Variants in LPP observed in about 807,000 individuals in gnomAD.
LPP encodes the protein lipoma-preferred partner.
LPP carries 38 observed loss-of-function variants against 60.4 expected under a neutral mutation model. The ratio of observed to expected loss-of-function variants is 0.63; its 90% confidence interval spans 0.49 to 0.83. LPP has a LOEUF of 0.83. Among genes scored for constraint, LPP ranks in the 40% least tolerant of loss-of-function variants. LPP has a pLI of 0.00. For synonymous variants in LPP, 328 were observed against 290.8 expected (o/e 1.13, Z -1.30); for missense variants, 902 against 783.6 (o/e 1.15, Z -1.80).
chr3:188,635,661 G>T (rs966569107), intron 7 of LPP, among the ~76,000 whole-genome samples: 4 of 152,160 alleles, frequency 2.6e-5, no homozygotes, highest in Non-Finnish European at 5.9e-5. Flanking sequence ...AGAAGTTCTG[G>T]TTTTGGAATC....
intron 3 of LPP, among the ~76,000 whole-genome samples, chr3:188,349,593 G>A (rs1765303179): frequency 6.6e-6 from 1 of 152,244 alleles, no homozygotes; most frequent in South Asian, 2.1e-4. Context: ...ATTACTGGCT[G>A]AGTATAAACT....
chr3:188,830,067 A>C (rs115672303), intron 9 of LPP, among the ~76,000 whole-genome samples: 3,687 of 151,940 alleles, frequency 0.024, 64 homozygotes, highest in Non-Finnish European at 0.04. Flanking sequence ...CTAAATCATC[A>C]TGTATAAATG....
intron 8 of LPP, among the ~76,000 whole-genome samples, chr3:188,734,690 A>G (rs1721878103): frequency 6.6e-6 from 1 of 152,240 alleles, no homozygotes; most frequent in South Asian, 2.1e-4. Flanking sequence ...TGAGAACAGC[A>G]AAGAACCATC....
At chr3:188,409,022 A>T (rs1362813059) in intron 4 of LPP, among the ~76,000 whole-genome samples, 1 of 152,162 alleles carries the variant, frequency 6.6e-6, no homozygotes, top group Non-Finnish European at 1.5e-5. Context: ...CATAGCTCAT[A>T]TTATGCTACT....
intron 2 of LPP, among the ~76,000 whole-genome samples, chr3:188,315,815 C>G (rs1754867585): frequency 6.6e-6 from 1 of 152,160 alleles, no homozygotes; most frequent in African/African-American, 2.4e-5. Flanking sequence ...TAGTTCGTTT[C>G]TGCCTCATTT....
At chr3:188,695,714 C>T (rs1450555526) in intron 7 of LPP, among the ~76,000 whole-genome samples, 3 of 152,192 alleles carry the variant, frequency 2.0e-5, no homozygotes, top group Admixed American at 2.0e-4. Flanking sequence ...TGTTCTGCCT[C>T]TGAAGCCCAC....
At chr3:188,869,806 A>T (rs1449953799) in intron 10 of LPP, among the ~76,000 whole-genome samples, 1 of 152,086 alleles carries the variant, frequency 6.6e-6, no homozygotes, top group African/African-American at 2.4e-5. Flanking sequence ...CTCTACATAA[A>T]CACCTTTGGT....
At chr3:188,686,222 A>T (rs1341909364) in intron 7 of LPP, among the ~76,000 whole-genome samples, 2 of 152,222 alleles carry the variant, frequency 1.3e-5, no homozygotes, top group African/African-American at 4.8e-5. Flanking sequence ...TAATAATATT[A>T]TTAAATATTG....
rs1018487997 is a variant in LPP at position 188,662,893 on chromosome 3, T to C, written c.1114-45374T>C. Among the ~76,000 whole-genome samples the C allele has an allele frequency of 4.6e-5, 7 of 152,280 alleles. No homozygotes were observed. The South Asian group carries it at 1.2e-3, about 27-fold the overall frequency. On this transcript the variant is annotated intron_variant, in intron 7 of 11. Transcript: ENST00000617246. ...GATGCAATGCATTATTCCAGGTGTC[T>C]GAGTAATGCGAAGAAAAGATCAAAT... is the stretch of plus-strand genomic sequence containing the variant.
intron 8 of LPP, among the ~76,000 whole-genome samples, chr3:188,745,264 C>A (rs1018720592): frequency 6.6e-6 from 1 of 152,166 alleles, no homozygotes; most frequent in Non-Finnish European, 1.5e-5. Context: ...GTTTGACATA[C>A]AGTGCCTGAT....
At chr3:188,406,922 G>C (rs563313314) in intron 4 of LPP, among the ~76,000 whole-genome samples, 2 of 152,216 alleles carry the variant, frequency 1.3e-5, no homozygotes, top group East Asian at 3.9e-4. Context: ...GAGTTTGAAG[G>C]TCTACGTGAG....
At chr3:188,204,914 A>G (rs112540460) in intron 1 of LPP, among the ~76,000 whole-genome samples, 538 of 152,330 alleles carry the variant, frequency 3.5e-3, no homozygotes, top group Middle Eastern at 6.8e-3. Flanking sequence ...AGAATTTGGG[A>G]CATAAAATGT....
chr3:188,355,600 GA>G (rs557778875), intron 3 of LPP, among the ~76,000 whole-genome samples: 159 of 152,078 alleles, frequency 1.0e-3, no homozygotes, highest in Non-Finnish European at 2.0e-3. Context: ...TACAGAGCTA[GA>G]AAAAATATAT....
At chr3:188,460,359 G>A (rs551210613) in intron 4 of LPP, among the ~76,000 whole-genome samples, 6 of 152,256 alleles carry the variant, frequency 3.9e-5, no homozygotes, top group East Asian at 1.9e-4. Context: ...AGATAATCAC[G>A]TATTCTCTGT....
intron 1 of LPP, among the ~76,000 whole-genome samples, chr3:188,206,315 A>G (rs955981849): frequency 1.3e-5 from 2 of 152,170 alleles, no homozygotes; most frequent in Non-Finnish European, 2.9e-5. Flanking sequence ...CCGAGCCACA[A>G]GGTCTTTGAC....
intron 5 of LPP, among the ~76,000 whole-genome samples, chr3:188,500,709 A>G (rs1811571714): frequency 6.6e-6 from 1 of 152,080 alleles, no homozygotes; most frequent in Non-Finnish European, 1.5e-5. Context: ...CAGATTTTGG[A>G]TACTGATTCA....
At chr3:188,829,722 G>A (rs1756618848) in intron 9 of LPP, among the ~76,000 whole-genome samples, 1 of 152,144 alleles carries the variant, frequency 6.6e-6, no homozygotes, top group Admixed American at 6.5e-5. Flanking sequence ...GTTTGAAAAA[G>A]TTCACACTTA....
intron 8 of LPP, chr3:188,746,532 G>A (rs2150250536): frequency 2.0e-6 from 1 of 488,162 alleles, no homozygotes; most frequent in Non-Finnish European, 4.1e-6. Context: ...AATTTTTGCT[G>A]AAGACCTTCA....
rs552560914 is a variant in LPP at position 188,484,187 on chromosome 3, G to T, written c.194-405G>T. Among the ~76,000 whole-genome samples, 4 of 152,140 alleles carry T rather than the reference G, an allele frequency of 2.6e-5. No individual in the cohort carries two copies. In the East Asian group the frequency reaches 7.7e-4, roughly 29 times the overall value. ...CTCCACTTTATCTTAATTTCCAGAGGTTATTCATGCATCTTTATAAATTAC... is the reference window on the plus strand; with the variant it reads ...CTCCACTTTATCTTAATTTCCAGAGTTTATTCATGCATCTTTATAAATTAC... On this transcript the variant is annotated intron_variant, in intron 4 of 11. Transcript: ENST00000617246.
Sources: gnomAD v4.1 joint callset for allele counts (sites outside exome capture counted in the v4.1 genomes callset) on GRCh38, gnomAD v4.1.1 for gene constraint, MANE v1.5 for transcripts, NCBI Gene and HGNC (gene_info 2026-07-23, HGNC 2026-07-21) for gene names.